The following CSF1R variants were observed in gnomAD, a reference collection of about 807,000 sequenced individuals.
CSF1R encodes the protein macrophage colony-stimulating factor 1 receptor.
CSF1R carries 40 observed loss-of-function variants against 110.0 expected under a neutral mutation model. That is an observed-to-expected ratio of 0.36 (90% confidence interval 0.28 to 0.47). CSF1R has a LOEUF of 0.47. Among genes scored for constraint, CSF1R ranks in the 20% least tolerant of loss-of-function variants. CSF1R has a pLI of 0.99. For synonymous variants in CSF1R, 523 were observed against 503.4 expected, an observed-to-expected ratio of 1.04 and a Z score of -0.52; for missense variants, 1,052 against 1,253.0, an observed-to-expected ratio of 0.84 and a Z score of 2.42.
chr5:150,111,310 G>A (rs547261324), intron 1 of CSF1R, among the ~76,000 whole-genome samples: 45 of 152,246 alleles, frequency 3.0e-4, no homozygotes, highest in African/African-American at 1.0e-3. Context: ...TGCAGTCCAA[G>A]TGGCTCATCT....
chr5:150,068,621 C>G (rs1757890468), intron 9 of CSF1R, among the ~76,000 whole-genome samples: 1 of 152,220 alleles, frequency 6.6e-6, no homozygotes, highest in Non-Finnish European at 1.5e-5. Flanking sequence ...CACCCTCTGC[C>G]AGTGCAAGAA....
At position 150,061,791 on chromosome 5, in the gene CSF1R, G is replaced by A. The variant is rs1173478824; in HGVS notation, c.1685C>T (p.Thr562Ile). Residue 562 changes from threonine to isoleucine, a missense_variant, in exon 11 of 21, where the codon ACT (threonine) becomes ATT (isoleucine). Coordinates refer to ENST00000675795, the MANE Select transcript of CSF1R (RefSeq NM_001288705.3). ...AGGCAGCTGCGTGGGGTCGATGAAA[G>A]TATAACTGTTGCCCTCATAGCTCTC... ...IIESYEGNSY[T>I]FIDPTQLPYN... 1 of 1,614,236 alleles carries A rather than the reference G, an allele frequency of 6.2e-7. No individual in the cohort carries two copies. Among genetic ancestry groups the A allele is most frequent in the South Asian group, 1.1e-5 (1 of 91,086 alleles).
upstream of CSF1R, among the ~76,000 whole-genome samples, chr5:150,086,839 T>C (rs146280962): frequency 1.2e-4 from 19 of 152,244 alleles, no homozygotes; most frequent in Middle Eastern, 3.4e-3. Context: ...TTCAGAGTGA[T>C]CAGGTGGCTC....
intron 5 of CSF1R, among the ~76,000 whole-genome samples, chr5:150,074,970 C>T (rs1026269110): frequency 1.3e-5 from 2 of 152,186 alleles, no homozygotes; most frequent in Non-Finnish European, 2.9e-5. Context: ...TCCTCCTTTT[C>T]ATTATAGAGG....
chr5:150,061,461 T>G, intron 12 of CSF1R, 30 bp downstream of exon 12: 10 of 342,672 alleles, frequency 2.9e-5, no homozygotes, highest in Non-Finnish European at 4.5e-5. Context: ...CCACCCCCCA[T>G]CCCTTCCCTC....
chr5:150,059,777 G>A lies in CSF1R; in HGVS notation c.2055C>T (p.Pro685=). The A allele has an allele frequency of 6.2e-7, 1 of 1,614,178 alleles. No individual in the cohort carries two copies. Among genetic ancestry groups the A allele is most frequent in the Non-Finnish European group, 8.5e-7 (1 of 1,180,042 alleles). Residue 685 remains proline, a synonymous_variant, in exon 14 of 21, where the codon CCC becomes CCT. Transcript: ENST00000675795. The part of the protein sequence containing the change: ...LRRKAEAMLG[P]SLSPGQDPEG... ...CGGGGTCCTGGCCGGGGCTCAGGCT[G>A]GGTCCCAGCATGGCCTCAGCCTTCC...
intron 1 of CSF1R, among the ~76,000 whole-genome samples, chr5:150,099,266 T>C (rs6887513): frequency 0.74 from 112,407 of 151,850 alleles, 43,058 homozygotes; most frequent in African/African-American, 0.93. Context: ...GCAAAAGAGC[T>C]ACCACTTTGG....
upstream of CSF1R, chr5:150,086,555 GT>G (rs1448434061): frequency 2.3e-6 from 2 of 861,290 alleles, no homozygotes; most frequent in Non-Finnish European, 3.7e-6. Flanking sequence ...CTGGCTGTTT[GT>G]CTTGTTTTCC....
chr5:150,054,531 C>T, intron 19 of CSF1R, 101 bp from the exon 20 acceptor site: 1 of 922,166 alleles, frequency 1.1e-6, no homozygotes, highest in Non-Finnish European at 1.6e-6. Flanking sequence ...GTCCCCAAAC[C>T]CAGTCAAAGT....
chr5:150,091,211 A>G (rs577685583), upstream of CSF1R, among the ~76,000 whole-genome samples: 2 of 152,320 alleles, frequency 1.3e-5, no homozygotes, highest in East Asian at 3.9e-4. Context: ...TGCAGCTGCT[A>G]TGGTAATCAG....
At chr5:150,079,974 C>A in intron 3 of CSF1R, 78 bp downstream of exon 3, 2 of 1,531,002 alleles carry the variant, frequency 1.3e-6, no homozygotes, top group Non-Finnish European at 1.8e-6. Flanking sequence ...CACCCAGTCC[C>A]CAGTCACCAC....
chr5:150,098,622 A>G (rs1759297366), intron 1 of CSF1R: 1 of 152,206 alleles, frequency 6.6e-6, no homozygotes, highest in Non-Finnish European at 1.5e-5. Flanking sequence ...ATATCTTATA[A>G]AGGACTTATA....
intron 1 of CSF1R, among the ~76,000 whole-genome samples, chr5:150,105,149 C>A (rs1270965624): frequency 6.6e-6 from 1 of 151,392 alleles, no homozygotes; most frequent in Non-Finnish European, 1.5e-5. Context: ...GAGATGGAGA[C>A]CAGCCTGGCT....
chr5:150,061,966 CAGGG>C, intron 10 of CSF1R, 117 bp from the exon 11 acceptor site: 1 of 1,406,498 alleles, frequency 7.1e-7, no homozygotes, highest in African/African-American at 1.4e-5. Flanking sequence ...TGGGAGAAGG[CAGGG>C]CAAGGCCTGC....
At chr5:150,089,607 C>T (rs546833203), upstream of CSF1R, among the ~76,000 whole-genome samples, 8 of 152,268 alleles carry the variant, frequency 5.3e-5, no homozygotes, top group South Asian at 2.1e-4. Flanking sequence ...AATAAGACAG[C>T]GGTACTCTCA....
At chr5:150,074,861 C>G (rs1323462451) in intron 5 of CSF1R, among the ~76,000 whole-genome samples, 2 of 137,682 alleles carry the variant, frequency 1.5e-5, no homozygotes, top group African/African-American at 5.8e-5. Flanking sequence ...ACACTCAACG[C>G]TCCACCCATC....
intron 1 of CSF1R, among the ~76,000 whole-genome samples, chr5:150,108,262 G>A (rs745875896): frequency 6.6e-6 from 1 of 152,202 alleles, no homozygotes; most frequent in Non-Finnish European, 1.5e-5. Flanking sequence ...AAGCTTCTTG[G>A]AGAAAGTAGC....
intron 2 of CSF1R, 71 bp downstream of exon 2, chr5:150,080,696 G>A (rs1758497413): frequency 6.3e-7 from 1 of 1,578,376 alleles, no homozygotes. Context: ...TGTTACGATT[G>A]TTAATTTTAG....
At chr5:150,087,556 G>A (rs754289092), upstream of CSF1R, among the ~76,000 whole-genome samples, 19 of 152,106 alleles carry the variant, frequency 1.2e-4, no homozygotes, top group Admixed American at 9.2e-4. Flanking sequence ...TCTTTTGTGC[G>A]TTACTTACAT....
Sources: allele counts gnomAD v4.1 joint callset (sites outside exome capture counted in the v4.1 genomes callset), GRCh38; gene constraint gnomAD v4.1.1; transcripts MANE v1.5; gene names NCBI Gene and HGNC (gene_info 2026-07-23, HGNC 2026-07-21).